RARB: variants seen among roughly 807,000 people sequenced by gnomAD.
The protein encoded by RARB is retinoic acid receptor beta.
RARB carries 17 observed loss-of-function variants against 51.9 expected under a neutral mutation model. The ratio of observed to expected loss-of-function variants is 0.33; its 90% CI spans 0.22 to 0.49. The LOEUF is 0.49. Among genes scored for constraint, RARB ranks in the 20% least tolerant of loss-of-function variants. The pLI, the probability that RARB is intolerant of heterozygous loss-of-function variation, is 0.99. For synonymous variants in RARB, 215 were observed against 195.4 expected, an observed-to-expected ratio of 1.10 and a Z score of -0.84; for missense variants, 369 against 550.8, an observed-to-expected ratio of 0.67 and a Z score of 3.30.
At chr3:25,320,151 C>G (rs1469479414) in intron 5 of RARB, among the ~76,000 whole-genome samples, 1 of 152,034 alleles carries the variant, frequency 6.6e-6, no homozygotes, top group Middle Eastern at 3.2e-3. Flanking sequence ...TACAACATCC[C>G]CATACCCACT....
chr3:25,074,355 A>G (rs1281231902), intron 3 of RARB, among the ~76,000 whole-genome samples: 2 of 152,158 alleles, frequency 1.3e-5, no homozygotes, highest in Non-Finnish European at 2.9e-5. Flanking sequence ...AATCAGAATG[A>G]TAGGAGTGTG....
chr3:24,875,476 C>A (rs1703025469), intron 2 of RARB, among the ~76,000 whole-genome samples: 1 of 152,120 alleles, frequency 6.6e-6, no homozygotes, highest in Non-Finnish European at 1.5e-5. Context: ...AATTACAGCA[C>A]TTACCCATAG....
At chr3:25,244,100 A>G (rs1409886028) in intron 5 of RARB, among the ~76,000 whole-genome samples, 1 of 152,068 alleles carries the variant, frequency 6.6e-6, no homozygotes, top group Non-Finnish European at 1.5e-5. Context: ...ATTTATGTAA[A>G]AGTGTTTCTA....
chr3:25,098,290 C>A (rs1051455791), intron 3 of RARB, among the ~76,000 whole-genome samples: 1 of 152,176 alleles, frequency 6.6e-6, no homozygotes, highest in Non-Finnish European at 1.5e-5. Flanking sequence ...GAAAGATTTT[C>A]ATAACCACTT....
At chr3:25,546,171 G>A (rs953660087) in intron 3 of RARB, among the ~76,000 whole-genome samples, 5 of 151,958 alleles carry the variant, frequency 3.3e-5, no homozygotes, top group Admixed American at 6.6e-5. Context: ...ATACATGATG[G>A]GGCCCACAGC....
In RARB at chr3:24,989,651, T is replaced by A. The variant is rs184407745; in HGVS notation, c.-379-70474T>A. On this transcript the variant is annotated intron_variant, in intron 2 of 11. Coordinates refer to the RARB transcript ENST00000383772. ...TCTTTTATTTCTCTTATTTACTCTT[T>A]TCTTTTTAGACATTTTATTGTGTTA... 1.1e-4 allele frequency among the ~76,000 whole-genome samples: 12 copies of A among 108,806 alleles called. 4 individuals are homozygous for A. Among genetic ancestry groups the A allele is most frequent in the African/African-American group, 4.3e-4 (12 of 28,010 alleles). 71.4% of individuals were successfully genotyped at this position (108,806 alleles called of 152,430 possible). A position where few individuals can be genotyped will look rare whatever the true frequency, so the allele number is the denominator to read the frequency against.
chr3:25,229,257 C>T (rs1429493539), intron 5 of RARB, among the ~76,000 whole-genome samples: 1 of 152,006 alleles, frequency 6.6e-6, no homozygotes, highest in Admixed American at 6.6e-5. Flanking sequence ...ATTTTCTATT[C>T]TATTTTTTAT....
intron 5 of RARB, among the ~76,000 whole-genome samples, chr3:25,232,693 G>C (rs1702206896): frequency 6.6e-6 from 1 of 152,020 alleles, no homozygotes; most frequent in Non-Finnish European, 1.5e-5. Context: ...CCCAACTTAT[G>C]ATGATGCAAC....
intron 3 of RARB, among the ~76,000 whole-genome samples, chr3:25,507,095 A>G (rs1273758257): frequency 6.6e-6 from 1 of 152,246 alleles, no homozygotes; most frequent in African/African-American, 2.4e-5. Context: ...ACAAAGCTCC[A>G]TGAACCGCAA....
At chr3:25,202,387 C>A (rs1010695735) in intron 5 of RARB, among the ~76,000 whole-genome samples, 1 of 152,074 alleles carries the variant, frequency 6.6e-6, no homozygotes, top group Non-Finnish European at 1.5e-5. Flanking sequence ...AAAAAAACAG[C>A]TCCTGGATTC....
At chr3:24,829,965 T>A (rs1190116326) in intron 1 of RARB, among the ~76,000 whole-genome samples, 2 of 152,122 alleles carry the variant, frequency 1.3e-5, no homozygotes, top group Admixed American at 1.3e-4. Flanking sequence ...TGCAGCATGC[T>A]TTGGGGCCGA....
chr3:24,894,098 G>A (rs1703436104), intron 2 of RARB, among the ~76,000 whole-genome samples: 1 of 152,116 alleles, frequency 6.6e-6, no homozygotes, highest in South Asian at 2.1e-4. Flanking sequence ...ATCTTTATGT[G>A]TGAATTGTTT....
At chr3:24,850,577 G>T (rs990066616) in intron 1 of RARB, among the ~76,000 whole-genome samples, 1 of 152,150 alleles carries the variant, frequency 6.6e-6, no homozygotes, top group Admixed American at 6.5e-5. Context: ...ATGTTTGGGG[G>T]CAGAGGGAAG....
chr3:25,271,993 C>T (rs1288699910), intron 5 of RARB, among the ~76,000 whole-genome samples: 1 of 152,032 alleles, frequency 6.6e-6, no homozygotes. Flanking sequence ...TCAGTAATCA[C>T]ATGTGGTTAT....
At chr3:24,840,840 T>C (rs116698589) in intron 1 of RARB, among the ~76,000 whole-genome samples, 3,559 of 151,014 alleles carry the variant, frequency 0.024, 68 homozygotes, top group Middle Eastern at 0.048. Flanking sequence ...TTAATAAAAG[T>C]TTACTGGACA....
intron 5 of RARB, among the ~76,000 whole-genome samples, chr3:25,218,669 T>C (rs958054765): frequency 2.0e-5 from 3 of 152,202 alleles, no homozygotes; most frequent in Non-Finnish European, 4.4e-5. Flanking sequence ...TGACCTTACC[T>C]TGCTATAGGG....
At chr3:25,231,463 C>T (rs1282800984) in intron 5 of RARB, among the ~76,000 whole-genome samples, 1 of 152,106 alleles carries the variant, frequency 6.6e-6, no homozygotes, top group African/African-American at 2.4e-5. Context: ...TTCTCACAGC[C>T]AAGCAATACT....
intron 5 of RARB, among the ~76,000 whole-genome samples, chr3:25,292,157 T>C: frequency 6.6e-6 from 1 of 152,142 alleles, no homozygotes. Context: ...GTTGGCTCTC[T>C]TGTCCCCAGT....
At chr3:25,201,090 C>T (rs1575214604) in intron 5 of RARB, among the ~76,000 whole-genome samples, 1 of 151,886 alleles carries the variant, frequency 6.6e-6, no homozygotes, top group Non-Finnish European at 1.5e-5. Context: ...AATGTTCTTC[C>T]ATTTGTTTGT....
Sources: allele counts gnomAD v4.1 joint callset (sites outside exome capture counted in the v4.1 genomes callset), GRCh38; gene constraint gnomAD v4.1.1; transcripts MANE v1.5; gene names NCBI Gene and HGNC (gene_info 2026-07-23, HGNC 2026-07-21).